ZSWIM6: variants seen among roughly 807,000 people sequenced by gnomAD.
ZSWIM6 encodes zinc finger SWIM-type containing 6, also known as zinc finger SWIM domain-containing protein 6.
A neutral mutation model predicts 113.2 loss-of-function variants in ZSWIM6; 9 were observed. The observed-to-expected ratio is 0.08, with a 90% CI of 0.05 to 0.14. The LOEUF (loss-of-function observed/expected upper bound fraction) is 0.14, where lower values mean the gene tolerates loss of function less well. ZSWIM6 is among the 10% of genes least tolerant of loss of function. The probability of loss-of-function intolerance (pLI) is 1.00; values close to 1 mark genes in which losing one functional copy is unlikely to be tolerated. For missense variants in ZSWIM6, 1,162 were observed against 1,552.2 expected (o/e 0.75, Z 4.22); for synonymous variants, 611 against 606.5 (o/e 1.01, Z -0.11).
intron 1 of ZSWIM6, among the ~76,000 whole-genome samples, chr5:61,399,009 G>A (rs187529403): frequency 3.1e-3 from 407 of 129,550 alleles, no homozygotes; most frequent in Admixed American, 5.1e-3. Context: ...TGCAACCTCC[G>A]CCTCCTGGTT....
intron 2 of ZSWIM6, among the ~76,000 whole-genome samples, chr5:61,482,241 T>C (rs1747886718): frequency 6.6e-6 from 1 of 151,980 alleles, no homozygotes; most frequent in Non-Finnish European, 1.5e-5. Context: ...TAGTTAAAAC[T>C]ATAAGAATAG....
intron 4 of ZSWIM6, among the ~76,000 whole-genome samples, chr5:61,498,693 G>C (rs1477583507): frequency 6.6e-6 from 1 of 152,048 alleles, no homozygotes; most frequent in African/African-American, 2.4e-5. Context: ...CCCAAATGCT[G>C]TTCCATCTTC....
At chr5:61,366,661 G>A (rs954602404) in intron 1 of ZSWIM6, among the ~76,000 whole-genome samples, 1 of 152,170 alleles carries the variant, frequency 6.6e-6, no homozygotes, top group Admixed American at 6.5e-5. Flanking sequence ...TGCTGGGTGT[G>A]GTGGCTCATG....
In ZSWIM6 at chr5:61,354,168, C is replaced by G. The variant is rs534211435; in HGVS notation, c.676+21220C>G. Among the ~76,000 whole-genome samples, 3 of 152,304 alleles carry G rather than the reference C, an allele frequency of 2.0e-5. No individual in the cohort carries two copies. In the South Asian group the frequency reaches 6.2e-4, roughly 32 times the overall value. On this transcript the variant is annotated intron_variant, in intron 1 of 13. Coordinates refer to ENST00000252744, the MANE Select transcript of ZSWIM6 (RefSeq NM_020928.2). ...TCATTCCTGCTGCCATCGTACTTAT[C>G]CCTGCTCAGATTAACTGCCTGCGTG... is the stretch of plus-strand genomic sequence containing the variant.
chr5:61,428,154 A>T (rs1490702319), intron 1 of ZSWIM6, among the ~76,000 whole-genome samples: 2 of 152,226 alleles, frequency 1.3e-5, no homozygotes, highest in African/African-American at 4.8e-5. Context: ...GCTCTAATTT[A>T]TACAGAACTT....
At chr5:61,430,794 C>T (rs546479131) in intron 1 of ZSWIM6, among the ~76,000 whole-genome samples, 39 of 152,230 alleles carry the variant, frequency 2.6e-4, no homozygotes, top group Admixed American at 3.9e-4. Context: ...TTTCAGACTC[C>T]AGATACCTTG....
At chr5:61,409,292 G>C (rs1746108713) in intron 1 of ZSWIM6, among the ~76,000 whole-genome samples, 2 of 151,988 alleles carry the variant, frequency 1.3e-5, no homozygotes, top group African/African-American at 4.8e-5. Flanking sequence ...GATTTTTGCT[G>C]TTTAAGGAGG....
intron 4 of ZSWIM6, among the ~76,000 whole-genome samples, chr5:61,507,082 C>T (rs1043769719): frequency 6.6e-6 from 1 of 152,196 alleles, no homozygotes; most frequent in South Asian, 2.1e-4. Context: ...TACTGCTCCT[C>T]AGCCCCCACC....
Position 61,535,514 on chromosome 5 carries a change from T to C in ZSWIM6, c.2276T>C (p.Ile759Thr). 1 of 1,551,398 alleles carries C rather than the reference T, an allele frequency of 6.4e-7. No homozygotes were observed. Among genetic ancestry groups the C allele is most frequent in the South Asian group, 1.2e-5 (1 of 84,066 alleles). The change falls in exon 10 of 14, where the codon ATC (isoleucine) becomes ACC (threonine). Residue 759 changes from isoleucine to threonine, a missense_variant. Physicochemically the swap from Ile to Thr is moderately conservative, Grantham distance 89. This residue lies in a region of ZSWIM6 where 620 missense variants were observed against 804.6 expected (regional missense o/e 0.77). Transcript: ENST00000252744. ...AGPYSGLGEIIHRESVPMHTF... is the reference protein window; with the variant it reads ...AGPYSGLGEITHRESVPMHTF... The stretch of plus-strand genomic sequence containing the variant: ...CCATATAGTGGTTTAGGTGAAATAA[T>C]CCATCGGGAGAGCGTTCCAATGCAC...
intron 1 of ZSWIM6, among the ~76,000 whole-genome samples, chr5:61,414,129 C>T (rs571616439): frequency 6.6e-6 from 1 of 152,108 alleles, no homozygotes; most frequent in South Asian, 2.1e-4. Context: ...GGAAGCCATC[C>T]TCAGGGTGCT....
At chr5:61,461,608 G>T (rs1001729654) in intron 1 of ZSWIM6, among the ~76,000 whole-genome samples, 4 of 152,152 alleles carry the variant, frequency 2.6e-5, no homozygotes, top group Admixed American at 1.3e-4. Flanking sequence ...CAGTAAGGCA[G>T]AGCTGTACTG....
chr5:61,352,781 T>C (rs1744819388), intron 1 of ZSWIM6, among the ~76,000 whole-genome samples: 1 of 152,226 alleles, frequency 6.6e-6, no homozygotes, highest in Non-Finnish European at 1.5e-5. Context: ...CTGTTTGGCA[T>C]GTATTACAGG....
At chr5:61,375,685 T>C (rs1745359841) in intron 1 of ZSWIM6, 1 of 1,547,860 alleles carries the variant, frequency 6.5e-7, no homozygotes, top group Middle Eastern at 2.2e-4. Flanking sequence ...ACCTTTATCA[T>C]CTGAGTCCTT....
chr5:61,443,832 T>C (rs1235581244), intron 1 of ZSWIM6, among the ~76,000 whole-genome samples: 2 of 152,198 alleles, frequency 1.3e-5, no homozygotes, highest in African/African-American at 4.8e-5. Flanking sequence ...AAAATTTTAT[T>C]TGAAAGAGAA....
intron 1 of ZSWIM6, among the ~76,000 whole-genome samples, chr5:61,415,004 A>G (rs1372902570): frequency 2.0e-5 from 3 of 152,190 alleles, no homozygotes; most frequent in African/African-American, 7.2e-5. Context: ...TAGATGAGGA[A>G]ACTGGATTGC....
At chr5:61,390,395 A>T (rs1745681997) in intron 1 of ZSWIM6, among the ~76,000 whole-genome samples, 1 of 152,222 alleles carries the variant, frequency 6.6e-6, no homozygotes, top group African/African-American at 2.4e-5. Context: ...ATACCTTCAG[A>T]TACCTTATTC....
At chr5:61,516,229 T>C (rs541361166) in intron 4 of ZSWIM6, among the ~76,000 whole-genome samples, 4 of 151,092 alleles carry the variant, frequency 2.6e-5, no homozygotes, top group Non-Finnish European at 4.4e-5. Flanking sequence ...TCCCCTCTGT[T>C]TCCATTCATC....
intron 1 of ZSWIM6, among the ~76,000 whole-genome samples, chr5:61,456,709 T>C: frequency 6.6e-6 from 1 of 152,168 alleles, no homozygotes; most frequent in East Asian, 1.9e-4. Flanking sequence ...GGAAAGAATT[T>C]GAAAGAATAA....
chr5:61,544,219 G>A lies in ZSWIM6; in HGVS notation c.3550G>A (p.Asp1184Asn). The A allele has an allele frequency of 6.4e-7, 1 of 1,551,584 alleles. No individual in the cohort carries two copies. Among genetic ancestry groups the A allele is most frequent in the Non-Finnish European group, 8.7e-7 (1 of 1,146,968 alleles). Residue 1184 changes from aspartate (D) to asparagine (N), a missense_variant, in exon 14 of 14, where the codon GAT (aspartate) becomes AAT (asparagine). Asp to Asn is a conservative substitution (Grantham distance 23). This residue lies in a region of ZSWIM6 where 113 missense variants were observed against 213.8 expected (regional missense o/e 0.53). Coordinates refer to ENST00000252744, the MANE Select transcript of ZSWIM6 (RefSeq NM_020928.2). ...CCGAGAGACCTTCTTAATGGCGCAT[G>A]ATGGACACATTCAGTTTACACAGTT... Reference protein sequence around the residue: ...KARETFLMAHDGHIQFTQFID... With the variant: ...KARETFLMAHNGHIQFTQFID...
Sources: gnomAD v4.1 joint callset for allele counts (sites outside exome capture counted in the v4.1 genomes callset) on GRCh38, gnomAD v4.1.1 for gene constraint, gnomAD v4.1.1 regional missense constraint, MANE v1.5 for transcripts, NCBI Gene and HGNC (gene_info 2026-07-23, HGNC 2026-07-21) for gene names.